Variants in GLE1 observed in about 807,000 individuals in gnomAD.
GLE1 encodes GLE1 RNA export mediator.
Under a neutral mutation model 97.3 loss-of-function variants are expected in GLE1, and 78 were observed. That is an observed-to-expected ratio of 0.80 (90% confidence interval 0.67 to 0.97). The LOEUF (loss-of-function observed/expected upper bound fraction) is 0.97, where lower values mean the gene tolerates loss of function less well. GLE1 is among the 50% of genes least tolerant of loss of function. GLE1 has a pLI of 0.00. For missense variants in GLE1, 753 were observed against 857.5 expected, an observed-to-expected ratio of 0.88 and a Z score of 1.52; for synonymous variants, 302 against 313.4, an observed-to-expected ratio of 0.96 and a Z score of 0.39.
At chr9:128,510,152 G>C (rs1846764757) in intron 2 of GLE1, among the ~76,000 whole-genome samples, 1 of 151,962 alleles carries the variant, frequency 6.6e-6, no homozygotes, top group Non-Finnish European at 1.5e-5. Context: ...CCACCTCCCA[G>C]GCTCAATCCA....
intron 12 of GLE1, 67 bp from the exon 13 acceptor site, chr9:128,537,919 G>A: frequency 1.1e-6 from 1 of 891,444 alleles, no homozygotes; most frequent in Admixed American, 1.9e-5. Context: ...ATGGCTGGAT[G>A]ATACACTGGG....
At chr9:128,535,297 G>C (rs939149410) in intron 11 of GLE1, among the ~76,000 whole-genome samples, 1 of 149,884 alleles carries the variant, frequency 6.7e-6, no homozygotes, top group African/African-American at 2.5e-5. Context: ...AAAGCGGGCG[G>C]ATCACCTGAG....
intron 6 of GLE1, among the ~76,000 whole-genome samples, chr9:128,524,593 C>G (rs909308587): frequency 6.3e-5 from 9 of 143,916 alleles, no homozygotes; most frequent in African/African-American, 2.3e-4. Flanking sequence ...ACACTCTTGC[C>G]CCGGCTGGAG....
In GLE1 at chr9:128,527,160, CCT is replaced by C. The variant is rs758317289; in HGVS notation, c.1130-14_1130-13del. On this transcript the variant is annotated splice_polypyrimidine_tract_variant and intron_variant, in intron 7 of 15. Coordinates refer to ENST00000309971, the MANE Select transcript of GLE1 (RefSeq NM_001003722.2). ...CAGTAAATACTAGCTATTACTAAAA[CCT>C]CTCTTTTATTTCTCAGACCTCCAGG... 4 of 1,347,292 alleles carry C rather than the reference CCT, an allele frequency of 3.0e-6. No individual in the cohort carries two copies. The South Asian group carries it at 3.5e-5, about 12-fold the overall frequency. The allele number at this position is 1,347,292 out of a possible 1,614,324, so 83.5% of individuals were successfully genotyped here. A position where few individuals can be genotyped will look rare whatever the true frequency, so the allele number is the denominator to read the frequency against.
At chr9:128,538,251 C>T (rs1847780865) in intron 13 of GLE1, among the ~76,000 whole-genome samples, 161 bp downstream of exon 13, 1 of 152,208 alleles carries the variant, frequency 6.6e-6, no homozygotes, top group Non-Finnish European at 1.5e-5. Context: ...ACCAACCTTG[C>T]TTTCACTTTT....
chr9:128,506,411 A>G (rs185741209), intron 1 of GLE1, among the ~76,000 whole-genome samples: 112 of 152,276 alleles, frequency 7.4e-4, no homozygotes, highest in African/African-American at 2.6e-3. Context: ...AAAAAGAAAA[A>G]TGTCCCAGAT....
chr9:128,514,610 G>C (rs954082460), intron 2 of GLE1, among the ~76,000 whole-genome samples: 1 of 151,940 alleles, frequency 6.6e-6, no homozygotes, highest in Non-Finnish European at 1.5e-5. Flanking sequence ...GCCTAGGCAC[G>C]TGCCACCATG....
At chr9:128,524,066 T>C (rs1847230671) in intron 6 of GLE1, among the ~76,000 whole-genome samples, 1 of 141,736 alleles carries the variant, frequency 7.1e-6, no homozygotes, top group Non-Finnish European at 1.5e-5. Context: ...CTGCTTATTC[T>C]GGAGTCTTTT....
chr9:128,536,743 A>T (rs921226335), intron 12 of GLE1: 2 of 406,398 alleles, frequency 4.9e-6, no homozygotes, highest in South Asian at 2.1e-5. Flanking sequence ...CATTAAGGTT[A>T]GAAGATTTTC....
chr9:128,523,125 G>T (rs1370364554), intron 4 of GLE1, among the ~76,000 whole-genome samples, 155 bp from the exon 5 acceptor site: 3 of 152,090 alleles, frequency 2.0e-5, no homozygotes, highest in African/African-American at 7.2e-5. Context: ...GCTGTGGTGA[G>T]CTATGCTCTG....
intron 9 of GLE1, among the ~76,000 whole-genome samples, chr9:128,531,970 C>G (rs1847526057): frequency 6.6e-6 from 1 of 151,536 alleles, no homozygotes; most frequent in Admixed American, 6.6e-5. Flanking sequence ...TTCCTCCTAC[C>G]TAGAGAGGTA....
At chr9:128,511,367 G>A (rs762026770) in intron 2 of GLE1, among the ~76,000 whole-genome samples, 8 of 150,578 alleles carry the variant, frequency 5.3e-5, no homozygotes, top group Non-Finnish European at 1.2e-4. Context: ...GCAACTGAAC[G>A]TCTTAAGGAA....
chr9:128,516,825 C>T (rs1471821791), intron 3 of GLE1, among the ~76,000 whole-genome samples: 1 of 149,578 alleles, frequency 6.7e-6, no homozygotes, highest in Non-Finnish European at 1.5e-5. Flanking sequence ...GGGGTTTCAC[C>T]GTGTTGGCCA....
chr9:128,522,276 G>A (rs1231111937), intron 3 of GLE1, among the ~76,000 whole-genome samples: 1 of 152,230 alleles, frequency 6.6e-6, no homozygotes, highest in Non-Finnish European at 1.5e-5. Context: ...ATGCCCTTAA[G>A]TATCTCTGAT....
rs11999181 is a variant in GLE1 at position 128,515,331 on chromosome 9, T to G, written c.322-198T>G. On this transcript the variant is annotated intron_variant, in intron 2 of 15. Transcript: ENST00000309971. ...ATCACCCAAAGTAACAAACATCAAT[T>G]TATTAAAGAAAACAATTAGAACAAA... Among the ~76,000 whole-genome samples, 1,710 of 152,032 alleles carry G rather than the reference T, an allele frequency of 0.011. 41 individuals are homozygous for G. The highest frequency in any genetic ancestry group is 0.039 in the African/African-American group (1,616 of 41,482).
At chr9:128,509,379 T>G (rs1025625100) in intron 2 of GLE1, among the ~76,000 whole-genome samples, 1 of 152,002 alleles carries the variant, frequency 6.6e-6, no homozygotes. Context: ...TTAACTGATA[T>G]GGTCTCCCTT....
intron 9 of GLE1, among the ~76,000 whole-genome samples, chr9:128,530,108 T>C (rs753520449): frequency 6.6e-6 from 1 of 152,162 alleles, no homozygotes; most frequent in African/African-American, 2.4e-5. Flanking sequence ...GATCTACTCT[T>C]ATCCTGCAGT....
intron 12 of GLE1, 30 bp downstream of exon 12, chr9:128,536,514 G>T: frequency 6.3e-7 from 1 of 1,595,986 alleles, no homozygotes; most frequent in South Asian, 1.1e-5. Context: ...TGTCAATAAT[G>T]AGAGGTTAGA....
chr9:128,539,805 C>T lies in GLE1; in HGVS notation c.1964+107C>T, dbSNP rs1021682510. 37 of 1,589,338 alleles carry T rather than the reference C, an allele frequency of 2.3e-5. No homozygotes were observed. The African/African-American group carries it at 4.7e-4, about 20-fold the overall frequency. On this transcript the variant is annotated intron_variant, in intron 14 of 15. Coordinates refer to ENST00000309971, the MANE Select transcript of GLE1 (RefSeq NM_001003722.2). ...TGGTTTTGATTCAAGTTAAAAACAC[C>T]TGTACTAAGTATGACATCTTTCCTA...
Sources: allele counts gnomAD v4.1 joint callset (sites outside exome capture counted in the v4.1 genomes callset), GRCh38; gene constraint gnomAD v4.1.1; transcripts MANE v1.5; gene names NCBI Gene and HGNC (gene_info 2026-07-23, HGNC 2026-07-21).